CDH18: variants seen among roughly 807,000 people sequenced by gnomAD.
CDH18 encodes the protein cadherin-18.
Under a neutral mutation model 67.9 loss-of-function variants are expected in CDH18, and 31 were observed. That is an observed-to-expected ratio of 0.46 (90% CI 0.34 to 0.62). The LOEUF (loss-of-function observed/expected upper bound fraction) is 0.62. CDH18 is among the 20% of genes least tolerant of loss of function. The pLI, the probability that CDH18 is intolerant of heterozygous loss-of-function variation, is 0.01. For missense variants in CDH18, 890 were observed against 975.5 expected (o/e 0.91, Z 1.17); for synonymous variants, 362 against 347.2 (o/e 1.04, Z -0.48).
At chr5:19,636,252 T>C (rs1034269392) in intron 5 of CDH18, among the ~76,000 whole-genome samples, 1 of 152,124 alleles carries the variant, frequency 6.6e-6, no homozygotes, top group Admixed American at 6.5e-5. Context: ...AAATTGTATG[T>C]ATTAATCATG....
Position 19,724,798 on chromosome 5 carries a change from T to G in CDH18, c.524-3332A>C, listed in dbSNP as rs140240761. Among the ~76,000 whole-genome samples, 303 of 152,322 alleles carry G rather than the reference T, an allele frequency of 2.0e-3. 3 individuals carry two copies. The highest frequency in any genetic ancestry group is 8.4e-3 in the Admixed American group (129 of 15,290). On this transcript the variant is annotated intron_variant, in intron 4 of 12. Coordinates refer to ENST00000382275, the MANE Select transcript of CDH18 (RefSeq NM_004934.5). The stretch of plus-strand genomic sequence containing the variant: ...TTGGGTTTGTGTGTCCTGTGAGTTT[T>G]CTCAATATACCGCTAACCTTTCTGG...
At chr5:19,612,035 T>A (rs1446228312) in intron 6 of CDH18, among the ~76,000 whole-genome samples, 1 of 151,574 alleles carries the variant, frequency 6.6e-6, no homozygotes, top group African/African-American at 2.4e-5. Context: ...CATGAAGAAT[T>A]TTTTTAAAAA....
chr5:19,522,894 CA>C (rs36099222), intron 9 of CDH18, among the ~76,000 whole-genome samples: 7,859 of 83,788 alleles, frequency 0.094, 288 homozygotes, highest in African/African-American at 0.2. Context: ...GACTCCTTCT[CA>C]AAAAAAAAAA....
At chr5:19,788,553 T>C (rs1445793074) in intron 3 of CDH18, among the ~76,000 whole-genome samples, 3 of 152,206 alleles carry the variant, frequency 2.0e-5, no homozygotes, top group Non-Finnish European at 4.4e-5. Flanking sequence ...AACTTGCCCT[T>C]AGCATGTCTG....
intron 2 of CDH18, among the ~76,000 whole-genome samples, chr5:20,119,242 C>T (rs1290324380): frequency 1.3e-5 from 2 of 152,126 alleles, no homozygotes; most frequent in Non-Finnish European, 2.9e-5. Flanking sequence ...TCTAGTTCTT[C>T]CCTCAGAACA....
intron 1 of CDH18, among the ~76,000 whole-genome samples, chr5:20,483,432 T>C (rs1429764469): frequency 6.6e-6 from 1 of 152,000 alleles, no homozygotes; most frequent in Non-Finnish European, 1.5e-5. Flanking sequence ...AAAATTTCTA[T>C]GAAACTACCA....
At chr5:19,951,747 A>C (rs1463198492) in intron 2 of CDH18, among the ~76,000 whole-genome samples, 1 of 152,108 alleles carries the variant, frequency 6.6e-6, no homozygotes, top group African/African-American at 2.4e-5. Flanking sequence ...TTTTTCAACT[A>C]TGCAGGTGGG....
At chr5:20,245,663 A>T (rs1175427572) in intron 2 of CDH18, among the ~76,000 whole-genome samples, 3 of 152,134 alleles carry the variant, frequency 2.0e-5, no homozygotes, top group Non-Finnish European at 4.4e-5. Flanking sequence ...AAGTTGAAGG[A>T]TATGATTTGA....
intron 2 of CDH18, among the ~76,000 whole-genome samples, chr5:20,180,887 C>T (rs756308374): frequency 1.6e-4 from 24 of 151,684 alleles, no homozygotes; most frequent in Non-Finnish European, 2.7e-4. Flanking sequence ...GGGATATAGA[C>T]GGATCATTGA....
At chr5:19,721,120 G>A (rs1000413526) in intron 5 of CDH18, among the ~76,000 whole-genome samples, 1 of 152,070 alleles carries the variant, frequency 6.6e-6, no homozygotes, top group South Asian at 2.1e-4. Flanking sequence ...ACATTTTCTT[G>A]CACGGGTATA....
chr5:20,459,882 A>C (rs1264540583), intron 1 of CDH18, among the ~76,000 whole-genome samples: 3 of 152,248 alleles, frequency 2.0e-5, no homozygotes, highest in South Asian at 2.1e-4. Flanking sequence ...ACTTGCTAAT[A>C]TTGTGGTTGT....
chr5:20,112,691 C>T (rs1414759416), intron 2 of CDH18, among the ~76,000 whole-genome samples: 3 of 151,636 alleles, frequency 2.0e-5, no homozygotes, highest in African/African-American at 7.3e-5. Context: ...TCCAGCCTGG[C>T]GATAGAGGGA....
At chr5:19,685,762 A>C (rs750990057) in intron 5 of CDH18, among the ~76,000 whole-genome samples, 2 of 152,188 alleles carry the variant, frequency 1.3e-5, no homozygotes, top group African/African-American at 2.4e-5. Flanking sequence ...ACCTGTGTAA[A>C]CAATGTTTGA....
At chr5:19,675,069 G>C (rs1306839097) in intron 5 of CDH18, among the ~76,000 whole-genome samples, 1 of 152,010 alleles carries the variant, frequency 6.6e-6, no homozygotes, top group African/African-American at 2.4e-5. Context: ...ATGTCGGCAG[G>C]TTCCGTGACG....
intron 5 of CDH18, among the ~76,000 whole-genome samples, chr5:19,647,709 T>C (rs544568660): frequency 6.6e-6 from 1 of 152,114 alleles, no homozygotes; most frequent in South Asian, 2.1e-4. Context: ...TCTGAAAACC[T>C]AGATCAGCTC....
rs555393161 is a variant in CDH18 at position 20,429,677 on chromosome 5, T to C, written c.-580+145785A>G. Among the ~76,000 whole-genome samples the C allele has an allele frequency of 5.3e-5, 8 of 152,314 alleles. No individual in the cohort carries two copies. In the South Asian group the frequency reaches 1.4e-3, roughly 28 times the overall value. ...TGAAGAAAGGAAGGCTGAGCTACTTTGAGCAAGTAAGAACTGCAGTTTGCA... is the reference window on the plus strand; with the variant it reads ...TGAAGAAAGGAAGGCTGAGCTACTTCGAGCAAGTAAGAACTGCAGTTTGCA... On this transcript the variant is annotated intron_variant, in intron 1 of 14. Transcript: ENST00000507958.
At position 19,847,079 on chromosome 5, in the gene CDH18, T is replaced by C. The variant is rs200046717; in HGVS notation, c.-256-7837A>G. 9.9e-5 allele frequency among the ~76,000 whole-genome samples: 15 copies of C among 152,248 alleles called. No homozygotes were observed. The East Asian group carries it at 2.9e-3, about 29-fold the overall frequency. On this transcript the variant is annotated intron_variant, in intron 2 of 12. Coordinates refer to ENST00000382275, the MANE Select transcript of CDH18 (RefSeq NM_004934.5). ...TCCAAATTCTCTTATCTTTGACTTT[T>C]AGTAGTTTGATTGTAATGTATCTTA...
intron 2 of CDH18, among the ~76,000 whole-genome samples, chr5:20,009,510 AG>A (rs1234978575): frequency 2.0e-5 from 3 of 152,144 alleles, no homozygotes; most frequent in Non-Finnish European, 4.4e-5. Context: ...TTTATACATC[AG>A]GGATGTAGAA....
At chr5:20,415,924 T>G (rs1233457038) in intron 1 of CDH18, among the ~76,000 whole-genome samples, 1 of 152,144 alleles carries the variant, frequency 6.6e-6, no homozygotes, top group Non-Finnish European at 1.5e-5. Flanking sequence ...ATTTATATGT[T>G]ATATTAAAAA....
Sources: gnomAD v4.1 joint callset for allele counts (sites outside exome capture counted in the v4.1 genomes callset) on GRCh38, gnomAD v4.1.1 for gene constraint, MANE v1.5 for transcripts, NCBI Gene and HGNC (gene_info 2026-07-23, HGNC 2026-07-21) for gene names.